Variants in PPIL3 observed in about 807,000 individuals in gnomAD.
The protein encoded by PPIL3 is peptidyl-prolyl cis-trans isomerase-like 3.
A neutral mutation model predicts 20.9 loss-of-function variants in PPIL3; 13 were observed. The observed-to-expected ratio is 0.62, with a 90% confidence interval of 0.40 to 0.99. The LOEUF (loss-of-function observed/expected upper bound fraction) is 0.99. Among genes scored for constraint, PPIL3 ranks in the 50% least tolerant of loss-of-function variants. The probability of loss-of-function intolerance (pLI) is 0.00; values close to 1 mark genes in which losing one functional copy is unlikely to be tolerated. For synonymous variants in PPIL3, 71 were observed against 64.4 expected, an observed-to-expected ratio of 1.10 and a Z score of -0.49; for missense variants, 170 against 195.2, an observed-to-expected ratio of 0.87 and a Z score of 0.77.
rs778178347 is a variant in PPIL3, at chr2:200,885,822, T to TTATG, written c.4-54_4-51dup. 5.4e-6 allele frequency: 6 copies of TTATG among 1,118,530 alleles called. No individual in the cohort carries two copies. The African/African-American group carries it at 9.3e-5, about 17-fold the overall frequency. The allele number at this position is 1,118,530 out of a possible 1,614,324, so 69.3% of individuals were successfully genotyped here. A position where few individuals can be genotyped will look rare whatever the true frequency, so the allele number is the denominator to read the frequency against. On this transcript the variant is annotated intron_variant, in intron 2 of 6. Transcript: ENST00000392283. ...ACAAATGAAATTTATTTAGGTGACT[T>TTATG]TATGCATTGTTTATTTCCCTGTGTG...
chr2:200,872,193 GC>G (rs2039330674), intron 6 of PPIL3, among the ~76,000 whole-genome samples: 1 of 152,114 alleles, frequency 6.6e-6, no homozygotes, highest in Non-Finnish European at 1.5e-5. Flanking sequence ...TTCAAAAATG[GC>G]TCATAGAACT....
intron 5 of PPIL3, among the ~76,000 whole-genome samples, chr2:200,880,571 G>A (rs1465095950): frequency 6.6e-6 from 1 of 151,862 alleles, no homozygotes; most frequent in Non-Finnish European, 1.5e-5. Flanking sequence ...TTTTTGTGGA[G>A]ATGGGGGTCT....
At chr2:200,871,573 T>C (rs758610791) in intron 6 of PPIL3, 52 bp from the exon 7 acceptor site, 4 of 1,479,832 alleles carry the variant, frequency 2.7e-6, no homozygotes, top group East Asian at 4.6e-5. Flanking sequence ...TGAAACATGA[T>C]ATCCATATCT....
Position 200,887,660 on chromosome 2 carries a change from C to T in PPIL3, c.-45G>A. 2 of 1,563,496 alleles carry T rather than the reference C, an allele frequency of 1.3e-6. No homozygotes were observed. Among genetic ancestry groups the T allele is most frequent in the Admixed American group, 1.8e-5 (1 of 54,148 alleles). On this transcript the variant is annotated 5_prime_UTR_variant, in exon 2 of 7. Coordinates refer to ENST00000392283, the MANE Select transcript of PPIL3 (RefSeq NM_130906.3). ...AGGAAGGACTACGTGATTTCTCAGT[C>T]TTACAGCGAGCTCAAAAATAAGTCT...
chr2:200,887,379 CAA>C (rs770510276), intron 2 of PPIL3, among the ~76,000 whole-genome samples: 14 of 50,766 alleles, frequency 2.8e-4, no homozygotes, highest in African/African-American at 4.5e-4. Context: ...GAGTGAAACT[CAA>C]AAAAAAAAAA....
At chr2:200,877,569 T>C (rs2039568268) in intron 5 of PPIL3, 1 of 152,362 alleles carries the variant, frequency 6.6e-6, no homozygotes, top group Non-Finnish European at 1.5e-5. Context: ...CCACAATCTC[T>C]TCTCACATAC....
chr2:200,881,574 A>G, intron 4 of PPIL3, 86 bp from the exon 5 acceptor site: 1 of 1,101,888 alleles, frequency 9.1e-7, no homozygotes, highest in South Asian at 1.4e-5. Flanking sequence ...AATACTTTAT[A>G]GTTTGACTGC....
At chr2:200,886,049 G>T (rs1553610165) in intron 2 of PPIL3, among the ~76,000 whole-genome samples, 2 of 152,128 alleles carry the variant, frequency 1.3e-5, no homozygotes, top group Non-Finnish European at 2.9e-5. Flanking sequence ...TTGATGGAAA[G>T]AATTATTTTA....
intron 3 of PPIL3, among the ~76,000 whole-genome samples, chr2:200,883,112 C>CTTTTTTTTTT (rs1289951586): frequency 1.8e-5 from 2 of 108,820 alleles, no homozygotes; most frequent in Admixed American, 9.4e-5. Flanking sequence ...CTGGAATGTT[C>CTTTTTTTTTT]TTTTTTTTTT....
rs758646970 is a variant in PPIL3, at chr2:200,882,895, C to CA, written c.79-461dup. On this transcript the variant is annotated intron_variant, in intron 3 of 6. Transcript: ENST00000392283. ...AGCCCGGGCGACAGAGACTCCGTCT[C>CA]AAAAAAAAAAAAAAACAACCAAAAA... 5.2e-3 allele frequency among the ~76,000 whole-genome samples: 382 copies of CA among 73,582 alleles called. 1 individual carries two copies. Among genetic ancestry groups the CA allele is most frequent in the South Asian group, 0.011 (24 of 2,264 alleles). 48.3% of individuals were successfully genotyped at this position (73,582 alleles called of 152,430 possible). A position where few individuals can be genotyped will look rare whatever the true frequency, so the allele number is the denominator to read the frequency against.
chr2:200,881,614 T>C (rs2105776333), intron 4 of PPIL3, 126 bp from the exon 5 acceptor site: 1 of 688,236 alleles, frequency 1.5e-6, no homozygotes, highest in Non-Finnish European at 2.3e-6. Context: ...GATATGGCCT[T>C]TCCTAATTCC....
intron 3 of PPIL3, among the ~76,000 whole-genome samples, chr2:200,882,732 C>G (rs1028377105): frequency 6.6e-6 from 1 of 151,866 alleles, no homozygotes; most frequent in East Asian, 1.9e-4. Flanking sequence ...TGGTGAAACC[C>G]CATCTCTACT....
chr2:200,880,423 T>TTTTTTTTTGG (rs2039682590), intron 5 of PPIL3, among the ~76,000 whole-genome samples: 2 of 151,032 alleles, frequency 1.3e-5, no homozygotes, highest in African/African-American at 4.9e-5. Context: ...TTTTTTTTTT[T>TTTTTTTTTGG]GAGTGGGGTC....
chr2:200,888,895 A>G (rs1027673478), intron 1 of PPIL3, 61 bp downstream of exon 1: 1 of 471,118 alleles, frequency 2.1e-6, no homozygotes, highest in Non-Finnish European at 4.4e-6. Context: ...ACCAGTAGCA[A>G]CACAGAACTC....
intron 6 of PPIL3, 31 bp downstream of exon 6, chr2:200,876,888 G>T: frequency 6.8e-7 from 1 of 1,477,472 alleles, no homozygotes; most frequent in Non-Finnish European, 9.5e-7. Flanking sequence ...GCATTGAAAT[G>T]CTAAAAGAAA....
intron 1 of PPIL3, 25 bp downstream of exon 1, chr2:200,888,931 A>T: frequency 2.1e-6 from 1 of 471,246 alleles, no homozygotes; most frequent in Non-Finnish European, 4.4e-6. Flanking sequence ...AAGTGAATGA[A>T]AGAATTAATG....
At chr2:200,874,369 A>G (rs545362396) in intron 6 of PPIL3, among the ~76,000 whole-genome samples, 3 of 152,260 alleles carry the variant, frequency 2.0e-5, no homozygotes, top group Non-Finnish European at 4.4e-5. Flanking sequence ...AGTAAGAGAA[A>G]CAGAGGAGGT....
chr2:200,871,322 TAA>T lies in PPIL3; in HGVS notation c.*71_*72del. The T allele has an allele frequency of 6.9e-7, 1 of 1,446,534 alleles. No homozygotes were observed. The highest frequency in any genetic ancestry group is 1.4e-5 in the African/African-American group (1 of 70,328). 89.6% of individuals were successfully genotyped at this position (1,446,534 alleles called of 1,614,324 possible). A position where few individuals can be genotyped will look rare whatever the true frequency, so the allele number is the denominator to read the frequency against. On this transcript the variant is annotated 3_prime_UTR_variant, in exon 7 of 7. Coordinates refer to ENST00000392283, the MANE Select transcript of PPIL3 (RefSeq NM_130906.3). ...CAGAAGGATGATGCAATCTCTGACATAATTAAAACCGGGTAAACCACAATAAG... is the reference window on the plus strand; with the variant it reads ...CAGAAGGATGATGCAATCTCTGACATTTAAAACCGGGTAAACCACAATAAG...
chr2:200,875,508 T>C (rs546115066), intron 6 of PPIL3, among the ~76,000 whole-genome samples: 18 of 152,010 alleles, frequency 1.2e-4, no homozygotes, highest in African/African-American at 3.6e-4. Flanking sequence ...CCTCATGATC[T>C]GCCCTCCTTG....
Sources: gnomAD v4.1 joint callset for allele counts (sites outside exome capture counted in the v4.1 genomes callset) on GRCh38, gnomAD v4.1.1 for gene constraint, MANE v1.5 for transcripts, NCBI Gene and HGNC (gene_info 2026-07-23, HGNC 2026-07-21) for gene names.